LRRC7: variants seen among roughly 807,000 people sequenced by gnomAD.
LRRC7 encodes leucine-rich repeat-containing protein 7.
LRRC7 carries 23 observed loss-of-function variants against 175.7 expected under a neutral mutation model. The observed-to-expected ratio is 0.13, with a 90% CI of 0.09 to 0.19. The LOEUF is 0.19. Ranked by LOEUF, LRRC7 falls within the 10% of genes least tolerant of loss-of-function variation. LRRC7 has a pLI of 1.00. For synonymous variants in LRRC7, 685 were observed against 680.9 expected (o/e 1.01, Z -0.09); for missense variants, 1,354 against 1,904.7 (o/e 0.71, Z 5.38).
intron 4 of LRRC7, among the ~76,000 whole-genome samples, chr1:69,805,674 C>A (rs911245443): frequency 1.3e-5 from 2 of 151,830 alleles, no homozygotes; most frequent in African/African-American, 2.4e-5. Context: ...GGATTGACTC[C>A]TTCTGTTTCC....
At chr1:69,953,664 A>C (rs1051927066) in intron 8 of LRRC7, among the ~76,000 whole-genome samples, 11 of 151,988 alleles carry the variant, frequency 7.2e-5, no homozygotes, top group African/African-American at 2.7e-4. Context: ...ATTACATAAT[A>C]TATCTGTATT....
intron 2 of LRRC7, among the ~76,000 whole-genome samples, chr1:69,711,752 T>C (rs1050237525): frequency 6.6e-6 from 1 of 152,200 alleles, no homozygotes; most frequent in Non-Finnish European, 1.5e-5. Flanking sequence ...ACACTGATTA[T>C]AAGCATAACT....
chr1:69,916,513 A>G (rs59350933), intron 7 of LRRC7, among the ~76,000 whole-genome samples: 62,152 of 151,372 alleles, frequency 0.41, 13,547 homozygotes, highest in East Asian at 0.55. Context: ...CACAATAAGT[A>G]AACTAACGTA....
chr1:70,017,200 G>C (rs561158464), intron 14 of LRRC7, among the ~76,000 whole-genome samples: 1 of 151,356 alleles, frequency 6.6e-6, no homozygotes, highest in African/African-American at 2.4e-5. Context: ...GCTTGAACCC[G>C]GGGGGCACAG....
Position 69,851,950 on chromosome 1 carries a change from A to G in LRRC7, c.647+13667A>G, listed in dbSNP as rs1442992856. 3.3e-5 allele frequency among the ~76,000 whole-genome samples: 5 copies of G among 152,266 alleles called. No individual in the cohort carries two copies. The East Asian group carries it at 5.8e-4, about 18-fold the overall frequency. ...GGTTGTTTATGGGATAGTGACTGGG[A>G]TCTAGAACTACAAAATTTAAGATGG... On this transcript the variant is annotated intron_variant, in intron 7 of 26. Transcript: ENST00000651989.
intron 1 of LRRC7, among the ~76,000 whole-genome samples, chr1:69,576,880 G>A (rs766296025): frequency 6.6e-5 from 10 of 152,066 alleles, no homozygotes; most frequent in Non-Finnish European, 1.2e-4. Flanking sequence ...ACAGTAATAC[G>A]AGATGTCAAC....
chr1:69,760,960 TACACAC>T (rs59808973), intron 3 of LRRC7, among the ~76,000 whole-genome samples: 2 of 149,428 alleles, frequency 1.3e-5, no homozygotes, highest in Non-Finnish European at 3.0e-5. Context: ...TTTGTGCACA[TACACAC>T]ACACACACAC....
At chr1:69,797,319 T>G (rs572440406) in intron 4 of LRRC7, among the ~76,000 whole-genome samples, 1 of 152,250 alleles carries the variant, frequency 6.6e-6, no homozygotes, top group African/African-American at 2.4e-5. Flanking sequence ...CTACCTCATA[T>G]CAAGTTTTGG....
Position 69,678,372 on chromosome 1 carries a change from C to G in LRRC7, c.3-9C>G. On this transcript the variant is annotated splice_polypyrimidine_tract_variant and intron_variant, in intron 1 of 26. Coordinates refer to ENST00000651989, the MANE Select transcript of LRRC7 (RefSeq NM_001370785.2). Reference sequence around the variant, plus strand: ...AGTATGAAAATACTCTTCTGATTCTCTCTTATAGGATGGAGAACCTAATAA... The same window carrying G: ...AGTATGAAAATACTCTTCTGATTCTGTCTTATAGGATGGAGAACCTAATAA... 6.4e-7 allele frequency: 1 copy of G among 1,553,160 alleles called. No homozygotes were observed. The highest frequency in any genetic ancestry group is 8.8e-7 in the Non-Finnish European group (1 of 1,137,458).
chr1:69,610,109 A>C (rs1169517646), intron 1 of LRRC7, among the ~76,000 whole-genome samples: 1 of 152,116 alleles, frequency 6.6e-6, no homozygotes, highest in Non-Finnish European at 1.5e-5. Flanking sequence ...TATCTCTGAC[A>C]GATAAGAACC....
intron 2 of LRRC7, among the ~76,000 whole-genome samples, chr1:69,698,733 T>C (rs1008929750): frequency 2.0e-5 from 3 of 152,218 alleles, no homozygotes; most frequent in African/African-American, 7.2e-5. Flanking sequence ...GAAAGGGGGA[T>C]AGTCTTACCC....
chr1:70,105,955 A>G (rs1422619265), intron 25 of LRRC7, among the ~76,000 whole-genome samples: 1 of 152,152 alleles, frequency 6.6e-6, no homozygotes, highest in African/African-American at 2.4e-5. Context: ...TGAAAACACA[A>G]GTAGAAGTAT....
At chr1:70,037,665 G>A (rs566086891) in intron 20 of LRRC7, among the ~76,000 whole-genome samples, 5 of 152,260 alleles carry the variant, frequency 3.3e-5, no homozygotes, top group Admixed American at 1.3e-4. Context: ...CCAGGAATGG[G>A]TATCAGGAAT....
intron 26 of LRRC7, among the ~76,000 whole-genome samples, chr1:70,108,497 A>C (rs1271747447): frequency 1.3e-5 from 2 of 152,146 alleles, no homozygotes; most frequent in East Asian, 3.8e-4. Context: ...CTTATCAGTG[A>C]TTTGAAGCTC....
chr1:69,789,950 C>T (rs558515197), intron 3 of LRRC7, among the ~76,000 whole-genome samples: 52 of 152,106 alleles, frequency 3.4e-4, no homozygotes, highest in African/African-American at 1.3e-3. Flanking sequence ...TACCTTATTT[C>T]ATCAAATATT....
chr1:69,849,457 C>T (rs1682735001), intron 7 of LRRC7, among the ~76,000 whole-genome samples: 1 of 152,042 alleles, frequency 6.6e-6, no homozygotes, highest in African/African-American at 2.4e-5. Context: ...GAAAATGGAA[C>T]AGCATTTCTT....
chr1:69,919,973 G>T (rs1646836458), intron 7 of LRRC7: 1 of 542,790 alleles, frequency 1.8e-6, no homozygotes, highest in Non-Finnish European at 3.3e-6. Context: ...CTTCCAGACT[G>T]GGGGCCCTTC....
chr1:70,119,505 A>G (rs1445053462), intron 26 of LRRC7, among the ~76,000 whole-genome samples: 1 of 150,096 alleles, frequency 6.7e-6, no homozygotes, highest in African/African-American at 2.5e-5. Context: ...AAGTGAGTAC[A>G]AAACAGACAT....
chr1:69,999,311 G>A (rs1655300855), intron 11 of LRRC7, among the ~76,000 whole-genome samples: 1 of 152,188 alleles, frequency 6.6e-6, no homozygotes, highest in Non-Finnish European at 1.5e-5. Context: ...AGCAGGGTGA[G>A]TGACTGAGAA....
Sources: allele counts gnomAD v4.1 joint callset (sites outside exome capture counted in the v4.1 genomes callset), GRCh38; gene constraint gnomAD v4.1.1; transcripts MANE v1.5; gene names NCBI Gene and HGNC (gene_info 2026-07-23, HGNC 2026-07-21).